NSUN7: variants seen among roughly 807,000 people sequenced by gnomAD.
NSUN7 encodes the protein NOP2/Sun RNA methyltransferase family member 7, also known as protein NSUN7.
NSUN7 carries 39 observed loss-of-function variants against 58.5 expected under a neutral mutation model. The ratio of observed to expected loss-of-function variants is 0.67; its 90% confidence interval spans 0.52 to 0.87. The LOEUF is 0.87. Ranked by LOEUF, NSUN7 falls within the 40% of genes least tolerant of loss-of-function variation. NSUN7 has a pLI of 0.00. For synonymous variants in NSUN7, 278 were observed against 303.7 expected (o/e 0.92, Z 0.88); for missense variants, 765 against 844.1 (o/e 0.91, Z 1.16).
chr4:40,798,727 C>A, intron 9 of NSUN7, 60 bp from the exon 10 acceptor site: 2 of 921,476 alleles, frequency 2.2e-6, no homozygotes, highest in African/African-American at 1.7e-5. Context: ...GGAAACATAG[C>A]ACATTTGTAT....
intron 7 of NSUN7, among the ~76,000 whole-genome samples, chr4:40,782,567 A>G (rs1057436256): frequency 1.3e-5 from 2 of 151,646 alleles, no homozygotes; most frequent in Non-Finnish European, 2.9e-5. Flanking sequence ...AAAAAAGAAA[A>G]AAAGAAAAGA....
chr4:40,789,349 A>G (rs553624425), intron 7 of NSUN7, among the ~76,000 whole-genome samples: 11 of 152,330 alleles, frequency 7.2e-5, no homozygotes, highest in African/African-American at 2.6e-4. Flanking sequence ...AAGAAATGTA[A>G]AGTAAGACTG....
At position 40,810,504 on chromosome 4, in the gene NSUN7, GGAGGTGCAGGTTGCAGT is replaced by G. The variant is rs1744192804; in HGVS notation, c.*1569_*1585del. On this transcript the variant is annotated 3_prime_UTR_variant, in exon 12 of 12. Coordinates refer to ENST00000381782, the MANE Select transcript of NSUN7 (RefSeq NM_024677.6). ...GAGGTACGAGGATCTCTTGAGTCCA[GGAGGTGCAGGTTGCAGT>G]GAGCCAATATTGCCCCACTGCACTC... The G allele has an allele frequency of 6.7e-6, 1 of 149,826 alleles. No homozygotes were observed. Among genetic ancestry groups the G allele is most frequent in the African/African-American group, 2.5e-5 (1 of 40,406 alleles). The allele number at this position is 149,826 out of a possible 1,614,324, so 9.3% of individuals were successfully genotyped here. A position where few individuals can be genotyped will look rare whatever the true frequency, so the allele number is the denominator to read the frequency against.
At chr4:40,794,265 T>A in intron 8 of NSUN7, 110 bp from the exon 9 acceptor site, 1 of 505,880 alleles carries the variant, frequency 2.0e-6, no homozygotes, top group East Asian at 3.3e-5. Context: ...ATATTTTCCA[T>A]GAAACACTTT....
intron 10 of NSUN7, among the ~76,000 whole-genome samples, chr4:40,803,587 A>G (rs941131872): frequency 1.3e-5 from 2 of 152,218 alleles, no homozygotes; most frequent in Non-Finnish European, 2.9e-5. Flanking sequence ...TTATAGATAT[A>G]CATCAAGTAT....
chr4:40,799,449 C>G (rs185424042), intron 10 of NSUN7, among the ~76,000 whole-genome samples: 1 of 151,096 alleles, frequency 6.6e-6, no homozygotes, highest in East Asian at 1.9e-4. Flanking sequence ...ACCTTTACCT[C>G]AGGTGTTCAA....
At chr4:40,787,036 G>GA (rs376787204) in intron 7 of NSUN7, among the ~76,000 whole-genome samples, 28,114 of 135,434 alleles carry the variant, frequency 0.21, 2,890 homozygotes, top group Non-Finnish European at 0.25. Context: ...TTTAAAGAGT[G>GA]AAAAAAAAAA....
At position 40,755,418 on chromosome 4, in the gene NSUN7, A is replaced by G. The variant is rs558697109; in HGVS notation, c.298+4427A>G. On this transcript the variant is annotated intron_variant, in intron 2 of 11. Coordinates refer to ENST00000381782, the MANE Select transcript of NSUN7 (RefSeq NM_024677.6). ...TTTTTTTTTAAATAAAAACCTGGCA[A>G]TTTTTTTTTAAAGAAATGAACAAAC... 3.0e-4 allele frequency among the ~76,000 whole-genome samples: 45 copies of G among 151,770 alleles called. 1 individual carries two copies. Among genetic ancestry groups the G allele is most frequent in the African/African-American group, 1.0e-3 (43 of 41,392 alleles).
At chr4:40,765,009 A>G (rs879334936) in intron 4 of NSUN7, among the ~76,000 whole-genome samples, 1,661 of 144,916 alleles carry the variant, frequency 0.011, 19 homozygotes, top group South Asian at 0.021. Context: ...GGTTGTGAAA[A>G]TTTTCTCCCA....
At chr4:40,790,082 T>TTTTC (rs1553919190) in intron 7 of NSUN7, among the ~76,000 whole-genome samples, 2 of 137,242 alleles carry the variant, frequency 1.5e-5, no homozygotes, top group Non-Finnish European at 3.2e-5. Flanking sequence ...TTTTTTTTTT[T>TTTTC]CTGGAGAGAA....
chr4:40,772,376 ATTAAT>A (rs1416461478), intron 4 of NSUN7, among the ~76,000 whole-genome samples: 6 of 152,202 alleles, frequency 3.9e-5, no homozygotes, highest in African/African-American at 1.4e-4. Flanking sequence ...CCCCTTTTAC[ATTAAT>A]TTATTTTTTG....
intron 10 of NSUN7, among the ~76,000 whole-genome samples, chr4:40,800,980 A>G (rs1249164921): frequency 6.7e-6 from 1 of 148,556 alleles, no homozygotes; most frequent in African/African-American, 2.5e-5. Flanking sequence ...TAAGATAGAT[A>G]TATAGAAATA....
At chr4:40,765,773 A>G (rs1221481221) in intron 4 of NSUN7, among the ~76,000 whole-genome samples, 4 of 152,082 alleles carry the variant, frequency 2.6e-5, no homozygotes, top group African/African-American at 7.2e-5. Context: ...GTGGTTTGTA[A>G]TTCTCCTTGA....
chr4:40,770,983 G>T (rs183991476), intron 4 of NSUN7, among the ~76,000 whole-genome samples: 3 of 152,206 alleles, frequency 2.0e-5, no homozygotes, highest in Non-Finnish European at 4.4e-5. Flanking sequence ...CCCAGGAGGC[G>T]GAGGTTGCAG....
At chr4:40,780,813 ATTTTTTTTTT>A (rs1171816788) in intron 7 of NSUN7, among the ~76,000 whole-genome samples, 1 of 63,248 alleles carries the variant, frequency 1.6e-5, no homozygotes, top group African/African-American at 6.8e-5. Context: ...ATATATATAT[ATTTTTTTTTT>A]TTTTTTTTTT....
intron 8 of NSUN7, 95 bp from the exon 9 acceptor site, chr4:40,794,280 G>A (rs1228479847): frequency 3.7e-6 from 2 of 546,196 alleles, no homozygotes; most frequent in East Asian, 6.5e-5. Context: ...CACTTTTATT[G>A]GTAGGCAAAA....
rs758501234 is a variant in NSUN7 at position 40,790,741 on chromosome 4, T to A, written c.1176T>A (p.His392Gln). 8 of 1,570,876 alleles carry A rather than the reference T, an allele frequency of 5.1e-6. No individual in the cohort carries two copies. Among genetic ancestry groups the A allele is most frequent in the Non-Finnish European group, 6.9e-6 (8 of 1,163,690 alleles). ...SNPVEFILNE[H>Q]EDTEFLKDHS... ...CAGTAGAATTTATTTTAAATGAACA[T>A]GAAGGTACTTGTTTTAATTTCTAAA... The change falls in exon 8 of 12, where the codon CAT becomes CAA. Residue 392 changes from histidine (H) to glutamine (Q), a missense_variant. His to Gln is a conservative substitution (Grantham distance 24). Transcript: ENST00000381782.
Position 40,798,777 on chromosome 4 carries a change from T to C in NSUN7, c.1283-10T>C. ...AGTTGTTACAGTCATTGCATCTTCT[T>C]CTAATATAGTTACTAAAGCTCAAGC... On this transcript the variant is annotated splice_polypyrimidine_tract_variant and intron_variant, in intron 9 of 11. Coordinates refer to ENST00000381782, the MANE Select transcript of NSUN7 (RefSeq NM_024677.6). 1 of 1,491,522 alleles carries C rather than the reference T, an allele frequency of 6.7e-7. No individual in the cohort carries two copies. The allele number at this position is 1,491,522 out of a possible 1,614,324, so 92.4% of individuals were successfully genotyped here.
chr4:40,788,305 G>T (rs2154288489), intron 7 of NSUN7, among the ~76,000 whole-genome samples: 1 of 152,292 alleles, frequency 6.6e-6, no homozygotes, highest in African/African-American at 2.4e-5. Context: ...GGATTTGTTA[G>T]CATTTACATA....
Sources: gnomAD v4.1 joint callset for allele counts (sites outside exome capture counted in the v4.1 genomes callset) on GRCh38, gnomAD v4.1.1 for gene constraint, MANE v1.5 for transcripts, NCBI Gene and HGNC (gene_info 2026-07-23, HGNC 2026-07-21) for gene names.